Variants in RARG observed in about 807,000 individuals in gnomAD.
RARG encodes the protein retinoic acid receptor gamma.
A neutral mutation model predicts 43.7 loss-of-function variants in RARG; 17 were observed. That is an observed-to-expected ratio of 0.39 (90% CI 0.27 to 0.58). The LOEUF (loss-of-function observed/expected upper bound fraction) is 0.58. RARG is among the 20% of genes least tolerant of loss of function. The probability of loss-of-function intolerance (pLI) is 0.57; values close to 1 mark genes in which losing one functional copy is unlikely to be tolerated. For missense variants in RARG, 346 were observed against 598.7 expected (o/e 0.58, Z 4.40); for synonymous variants, 238 against 236.4 (o/e 1.01, Z -0.06).
At chr12:53,226,953 C>G (rs1565730624) in intron 3 of RARG, among the ~76,000 whole-genome samples, 1 of 152,110 alleles carries the variant, frequency 6.6e-6, no homozygotes, top group Non-Finnish European at 1.5e-5. Context: ...ACTGGCCTCC[C>G]AGACTCCTCT....
At position 53,211,515 on chromosome 12, in the gene RARG, A is replaced by T; in HGVS notation, c.*161T>A. 1.6e-6 allele frequency: 1 copy of T among 633,122 alleles called. No homozygotes were observed. The allele number at this position is 633,122 out of a possible 1,614,324, so 39.2% of individuals were successfully genotyped here. A position where few individuals can be genotyped will look rare whatever the true frequency, so the allele number is the denominator to read the frequency against. ...GCCGGTTAGATCAGGAAGGGGATGA[A>T]CACAGAGGCACCCCTAGAAACTTTG... On this transcript the variant is annotated 3_prime_UTR_variant, in exon 10 of 10. Coordinates refer to ENST00000425354, the MANE Select transcript of RARG (RefSeq NM_000966.6). The surrounding 1 kb of genome is among the most constrained non-coding windows in gnomAD (Gnocchi z 4.6).
chr12:53,217,961 A>G lies in RARG; in HGVS notation c.185-2167T>C, dbSNP rs11170480. 8.5e-3 allele frequency among the ~76,000 whole-genome samples: 1,295 copies of G among 152,214 alleles called. 17 individuals are homozygous for G. The highest frequency in any genetic ancestry group is 0.032 in the East Asian group (166 of 5,182). On this transcript the variant is annotated intron_variant, in intron 3 of 9. Coordinates refer to ENST00000425354, the MANE Select transcript of RARG (RefSeq NM_000966.6). ...CACACTCACAGGTTAACAACACATA[A>G]GGCACCAAAGCAGGCATATTACAAT...
chr12:53,228,208 T>G (rs1013990556), intron 2 of RARG, among the ~76,000 whole-genome samples: 1 of 152,002 alleles, frequency 6.6e-6, no homozygotes, highest in African/African-American at 2.4e-5. Context: ...AAGGCAAAGG[T>G]TAGGGGGACA....
At position 53,211,330 on chromosome 12, in the gene RARG, C is replaced by G. The variant is rs2120588262; in HGVS notation, c.*346G>C. 4.8e-6 allele frequency: 1 copy of G among 207,800 alleles called. No homozygotes were observed. The highest frequency in any genetic ancestry group is 1.0e-4 in the East Asian group (1 of 9,736). The allele number at this position is 207,800 out of a possible 1,614,324, so 12.9% of individuals were successfully genotyped here. A position where few individuals can be genotyped will look rare whatever the true frequency, so the allele number is the denominator to read the frequency against. ...TGTTTGCTCTCAGAGAGCCAAGCACCTGGCAGAGGAAGGGGCTGTGGAATG... is the reference window on the plus strand; with the variant it reads ...TGTTTGCTCTCAGAGAGCCAAGCACGTGGCAGAGGAAGGGGCTGTGGAATG... On this transcript the variant is annotated 3_prime_UTR_variant, in exon 10 of 10. Coordinates refer to ENST00000425354, the MANE Select transcript of RARG (RefSeq NM_000966.6). The surrounding 1 kb of genome is among the most constrained non-coding windows in gnomAD (Gnocchi z 4.6).
intron 3 of RARG, among the ~76,000 whole-genome samples, chr12:53,220,895 C>T (rs896556233): frequency 1.4e-4 from 22 of 152,128 alleles, no homozygotes; most frequent in African/African-American, 5.3e-4. Context: ...ACCTGCACTA[C>T]CTCCACCCCT....
At chr12:53,219,910 T>C in intron 3 of RARG, 1 of 1,459,356 alleles carries the variant, frequency 6.9e-7, no homozygotes, top group East Asian at 2.4e-5. Flanking sequence ...TCCCACCCTC[T>C]CCTGCACCCT....
intron 2 of RARG, among the ~76,000 whole-genome samples, chr12:53,229,611 C>T (rs944831016): frequency 2.6e-5 from 4 of 152,234 alleles, no homozygotes; most frequent in Non-Finnish European, 5.9e-5. Context: ...CTATTCCCCT[C>T]CGAAGTTCTC....
At chr12:53,220,070 C>T in intron 3 of RARG, 1 of 1,549,210 alleles carries the variant, frequency 6.5e-7, no homozygotes, top group Non-Finnish European at 8.7e-7. Context: ...CGTCGCGGAC[C>T]CGGGGCAAAC....
At position 53,211,958 on chromosome 12, in the gene RARG, C is replaced by G; in HGVS notation, c.1178-95G>C. ...ACCTTTCTCAACTGCCCCTGACTCC[C>G]CTAGGGGGCGCCCAGCACAGGCCCA... On this transcript the variant is annotated intron_variant, in intron 9 of 9. Transcript: ENST00000425354. This position sits in a 1 kb window ranked among gnomAD's most constrained non-coding sequence, Gnocchi z 4.6. 1 of 1,013,926 alleles carries G rather than the reference C, an allele frequency of 9.9e-7. No individual in the cohort carries two copies. Among genetic ancestry groups the G allele is most frequent in the Non-Finnish European group, 1.3e-6 (1 of 761,566 alleles). 62.8% of individuals were successfully genotyped at this position (1,013,926 alleles called of 1,614,324 possible).
rs1943135397 is a variant in RARG at position 53,227,450 on chromosome 12, T to C, written c.96A>G (p.Ala32=). ...TCTCGAAAGGCGGAGACCCCCTGAGTGCCCCTGGGAAGGCGAAGGGGAAAC... is the reference window on the plus strand; with the variant it reads ...TCTCGAAAGGCGGAGACCCCCTGAGCGCCCCTGGGAAGGCGAAGGGGAAAC... ...GAGFPFAFPG[A]LRGSPPFEML... Residue 32 remains alanine, a synonymous_variant, in exon 3 of 10, where the codon GCA becomes GCG. Coordinates refer to ENST00000425354, the MANE Select transcript of RARG (RefSeq NM_000966.6). The surrounding 1 kb of genome is among the most constrained non-coding windows in gnomAD (Gnocchi z 4.3). 1 of 1,610,220 alleles carries C rather than the reference T, an allele frequency of 6.2e-7. No individual in the cohort carries two copies. The highest frequency in any genetic ancestry group is 1.1e-5 in the South Asian group (1 of 90,340).
chr12:53,227,424 A>G lies in RARG; in HGVS notation c.122T>C (p.Met41Thr), dbSNP rs371795184. ...CAGGCCCCGGAAGCTAGGGCTCAGC[A>G]TCTCGAAAGGCGGAGACCCCCTGAG... Reference protein sequence around the residue: ...GALRGSPPFEMLSPSFRGLGQ... With the variant: ...GALRGSPPFETLSPSFRGLGQ... The change falls in exon 3 of 10, where the codon ATG becomes ACG. Residue 41 changes from methionine (M) to threonine (T), a missense_variant. Met to Thr is a moderately conservative substitution (Grantham distance 81). This residue lies in a region of RARG where 90 missense variants were observed against 93.2 expected (regional missense o/e 0.97). Transcript: ENST00000425354. This position sits in a 1 kb window ranked among gnomAD's most constrained non-coding sequence, Gnocchi z 4.3. 2.8e-5 allele frequency: 45 copies of G among 1,608,996 alleles called. No individual in the cohort carries two copies. Among genetic ancestry groups the G allele is most frequent in the Non-Finnish European group, 3.7e-5 (43 of 1,177,810 alleles).
chr12:53,212,979 G>T, intron 9 of RARG, 106 bp downstream of exon 9: 5 of 1,218,754 alleles, frequency 4.1e-6, no homozygotes, highest in Admixed American at 3.1e-5. Context: ...AGTGTAGATT[G>T]CCTGGTTCTC....
At chr12:53,214,930 A>G (rs1015934584) in intron 5 of RARG, 21 of 357,524 alleles carry the variant, frequency 5.9e-5, no homozygotes, top group African/African-American at 4.0e-4. Flanking sequence ...TGGCAGCACA[A>G]TGGGGGCGAG....
chr12:53,211,587 G>T lies in RARG; in HGVS notation c.*89C>A. 1.6e-6 allele frequency: 2 copies of T among 1,226,032 alleles called. No individual in the cohort carries two copies. The highest frequency in any genetic ancestry group is 2.1e-6 in the Non-Finnish European group (2 of 933,750). 75.9% of individuals were successfully genotyped at this position (1,226,032 alleles called of 1,614,324 possible). A position where few individuals can be genotyped will look rare whatever the true frequency, so the allele number is the denominator to read the frequency against. On this transcript the variant is annotated 3_prime_UTR_variant, in exon 10 of 10. Transcript: ENST00000425354. This position sits in a 1 kb window ranked among gnomAD's most constrained non-coding sequence, Gnocchi z 4.6. Reference sequence around the variant, plus strand: ...GAAGGGGTGGGGAGAGGGCAGAGCAGGTCCTCCCCCAGTCACTGGCGGTCT... The same window carrying T: ...GAAGGGGTGGGGAGAGGGCAGAGCATGTCCTCCCCCAGTCACTGGCGGTCT...
intron 2 of RARG, among the ~76,000 whole-genome samples, chr12:53,229,373 C>A (rs1053750883): frequency 1.3e-5 from 2 of 152,120 alleles, no homozygotes; most frequent in South Asian, 2.1e-4. Flanking sequence ...TTCTTTCTCT[C>A]CTCTACCTTG....
chr12:53,229,826 T>C (rs965528369), intron 2 of RARG: 23 of 587,492 alleles, frequency 3.9e-5, no homozygotes, highest in Non-Finnish European at 4.5e-5. Context: ...CCTCCTTGTC[T>C]TTGCTTCTCA....
rs1299392021 is a variant in RARG, at chr12:53,232,008, C to T, written c.-244G>A. On this transcript the variant is annotated 5_prime_UTR_variant, in exon 1 of 10. Transcript: ENST00000425354. ...GAGGGGGAAGGGAGGCGGCGGAGCC[C>T]CGAGGTCCCGGCGTCGGGCAGTCTC... is the stretch of plus-strand genomic sequence containing the variant. 5 of 397,568 alleles carry T rather than the reference C, an allele frequency of 1.3e-5. No homozygotes were observed. The highest frequency in any genetic ancestry group is 1.0e-4 in the African/African-American group (5 of 48,580). The allele number at this position is 397,568 out of a possible 1,614,324, so 24.6% of individuals were successfully genotyped here.
At chr12:53,228,051 A>G (rs774097339) in intron 2 of RARG, among the ~76,000 whole-genome samples, 61 of 152,248 alleles carry the variant, frequency 4.0e-4, no homozygotes, top group Admixed American at 2.2e-3. Context: ...CTCATTTCAC[A>G]TATGAGGAAA....
intron 3 of RARG, chr12:53,219,997 A>C: frequency 6.6e-7 from 1 of 1,524,276 alleles, no homozygotes; most frequent in East Asian, 2.5e-5. Flanking sequence ...AAGTCCGGCG[A>C]AACAGGAGCC....
Sources: gnomAD v4.1 joint callset for allele counts (sites outside exome capture counted in the v4.1 genomes callset) on GRCh38, gnomAD v4.1.1 for gene constraint, gnomAD v4.1.1 regional missense constraint, Gnocchi (gnomAD v3.1) non-coding constraint, MANE v1.5 for transcripts, NCBI Gene and HGNC (gene_info 2026-07-23, HGNC 2026-07-21) for gene names.